Variants in HTR6 observed in about 807,000 individuals in gnomAD.
The protein encoded by HTR6 is 5-hydroxytryptamine receptor 6.
Under a neutral mutation model 17.4 loss-of-function variants are expected in HTR6, and 15 were observed. The ratio of observed to expected loss-of-function variants is 0.86; its 90% CI spans 0.58 to 1.33. The LOEUF is 1.33. Ranked by LOEUF, HTR6 falls within the 40% of genes most tolerant of loss-of-function variation. HTR6 has a pLI of 0.00. For synonymous variants in HTR6, 326 were observed against 295.5 expected (o/e 1.10, Z -1.06); for missense variants, 578 against 616.0 (o/e 0.94, Z 0.65).
chr1:19,672,461 G>C (rs557709585), intron 1 of HTR6, among the ~76,000 whole-genome samples: 1 of 152,102 alleles, frequency 6.6e-6, no homozygotes, highest in Non-Finnish European at 1.5e-5. Context: ...GGAGGAGGGG[G>C]CCGAGCCAGG....
At position 19,666,476 on chromosome 1, in the gene HTR6, G is replaced by C; in HGVS notation, c.714+9G>C. The C allele has an allele frequency of 1.9e-6, 3 of 1,589,378 alleles. No individual in the cohort carries two copies. Among genetic ancestry groups the C allele is most frequent in the Non-Finnish European group, 2.6e-6 (3 of 1,167,996 alleles). The stretch of plus-strand genomic sequence containing the variant: ...CCTCGGAGACGCTGCAGGTACCTGG[G>C]GTGCGCAGGGAGACCCGGGCTGTGG... On this transcript the variant is annotated intron_variant, in intron 1 of 2. Transcript: ENST00000289753. This position sits in a 1 kb window ranked among gnomAD's most constrained non-coding sequence, Gnocchi z 4.5.
intron 1 of HTR6, among the ~76,000 whole-genome samples, chr1:19,676,206 C>T (rs1364100303): frequency 6.6e-6 from 1 of 152,180 alleles, no homozygotes; most frequent in Non-Finnish European, 1.5e-5. Context: ...TCTGTGCATG[C>T]ATTTATTATC....
chr1:19,678,857 G>A (rs913605333), intron 2 of HTR6, 62 bp from the exon 3 acceptor site: 6 of 1,558,964 alleles, frequency 3.8e-6, no homozygotes, highest in African/African-American at 2.7e-5. Context: ...CTCCATACAT[G>A]CTGGGAAGGG....
At position 19,668,945 on chromosome 1, in the gene HTR6, G is replaced by A. The variant is rs552778538; in HGVS notation, c.714+2478G>A. 1.5e-4 allele frequency among the ~76,000 whole-genome samples: 23 copies of A among 152,308 alleles called. No individual in the cohort carries two copies. The South Asian group carries it at 1.9e-3, about 12-fold the overall frequency. On this transcript the variant is annotated intron_variant, in intron 1 of 2. Transcript: ENST00000289753. ...CTAGGGCCTGCTTTCTCTTTGTAGC[G>A]TGCTAGAAGGTATTACAAACATGGT...
chr1:19,678,876 G>A (rs774166413), intron 2 of HTR6, 43 bp from the exon 3 acceptor site: 2 of 1,563,346 alleles, frequency 1.3e-6, no homozygotes, highest in Non-Finnish European at 1.7e-6. Context: ...GGTGGCCTGG[G>A]TCCCTGCCCT....
intron 1 of HTR6, among the ~76,000 whole-genome samples, chr1:19,669,514 G>A (rs1427658738): frequency 2.6e-5 from 4 of 152,170 alleles, no homozygotes; most frequent in South Asian, 2.1e-4. Flanking sequence ...TGGTGCCATC[G>A]CCCTGTGCTG....
chr1:19,668,827 A>G (rs1257725410), intron 1 of HTR6, among the ~76,000 whole-genome samples: 3 of 152,248 alleles, frequency 2.0e-5, no homozygotes, highest in Admixed American at 6.5e-5. Context: ...CTTTGCCATA[A>G]ATAGAAGGTG....
chr1:19,672,918 G>C (rs1557428554), intron 1 of HTR6, among the ~76,000 whole-genome samples: 1 of 152,184 alleles, frequency 6.6e-6, no homozygotes, highest in Non-Finnish European at 1.5e-5. Flanking sequence ...TTTAGTTACA[G>C]CTATTCGAAG....
At position 19,665,631 on chromosome 1, in the gene HTR6, C is replaced by T. The variant is rs1553119465; in HGVS notation, c.-123C>T. 1.6e-5 allele frequency: 11 copies of T among 670,976 alleles called. No individual in the cohort carries two copies. Among genetic ancestry groups the T allele is most frequent in the Non-Finnish European group, 7.4e-6 (3 of 407,996 alleles). The allele number at this position is 670,976 out of a possible 1,614,324, so 41.6% of individuals were successfully genotyped here. A position where few individuals can be genotyped will look rare whatever the true frequency, so the allele number is the denominator to read the frequency against. Reference sequence around the variant, plus strand: ...CCCATGTCCCCCCACTCACCTCCCCCGGGGGGCGTGGTGAGTCGCGGTCTG... The same window carrying T: ...CCCATGTCCCCCCACTCACCTCCCCTGGGGGGCGTGGTGAGTCGCGGTCTG... On this transcript the variant is annotated 5_prime_UTR_variant, in exon 1 of 3. Transcript: ENST00000289753. The surrounding 1 kb of genome is among the most constrained non-coding windows in gnomAD (Gnocchi z 4.2).
intron 1 of HTR6, among the ~76,000 whole-genome samples, chr1:19,668,932 T>C (rs1301751758): frequency 6.6e-6 from 1 of 152,192 alleles, no homozygotes; most frequent in African/African-American, 2.4e-5. Context: ...AGGGCCTGCT[T>C]TCTCTTTGTA....
intron 1 of HTR6, among the ~76,000 whole-genome samples, chr1:19,670,997 A>T (rs1369498961): frequency 1.3e-5 from 2 of 152,084 alleles, no homozygotes; most frequent in African/African-American, 4.8e-5. Context: ...ATGTATTGAC[A>T]CCTGCTTTGC....
intron 1 of HTR6, among the ~76,000 whole-genome samples, chr1:19,671,986 G>A (rs2095088894): frequency 6.6e-6 from 1 of 152,064 alleles, no homozygotes; most frequent in Admixed American, 6.6e-5. Context: ...GAGTGTGTGT[G>A]TTGGGAGCAG....
intron 1 of HTR6, among the ~76,000 whole-genome samples, chr1:19,675,127 G>A (rs2095092735): frequency 6.6e-6 from 1 of 152,134 alleles, no homozygotes; most frequent in Non-Finnish European, 1.5e-5. Flanking sequence ...GAAGCAGCTT[G>A]GTGAAGTGGG....
At chr1:19,676,896 A>G (rs1250183359) in intron 1 of HTR6, among the ~76,000 whole-genome samples, 1 of 152,254 alleles carries the variant, frequency 6.6e-6, no homozygotes, top group Non-Finnish European at 1.5e-5. Flanking sequence ...GTCAAAGCCC[A>G]GATGTATTCA....
At chr1:19,667,859 C>T (rs902571221) in intron 1 of HTR6, among the ~76,000 whole-genome samples, 1 of 152,198 alleles carries the variant, frequency 6.6e-6, no homozygotes, top group Admixed American at 6.5e-5. Context: ...ACTTAGGTCG[C>T]AGGTCTTGAG....
intron 1 of HTR6, among the ~76,000 whole-genome samples, chr1:19,674,381 C>T (rs1043769563): frequency 1.3e-5 from 2 of 149,746 alleles, no homozygotes; most frequent in Non-Finnish European, 3.0e-5. Context: ...GGGAATTCAC[C>T]GTGGTTTATT....
At chr1:19,675,566 C>T (rs2095093203) in intron 1 of HTR6, among the ~76,000 whole-genome samples, 1 of 152,132 alleles carries the variant, frequency 6.6e-6, no homozygotes, top group South Asian at 2.1e-4. Context: ...CTCAGTTCAT[C>T]TTCACCCCAT....
At chr1:19,674,942 G>A (rs546547769) in intron 1 of HTR6, among the ~76,000 whole-genome samples, 49 of 152,366 alleles carry the variant, frequency 3.2e-4, no homozygotes, top group African/African-American at 1.1e-3. Context: ...CCAAGGGGCT[G>A]CGAGGTGCTT....
Position 19,665,000 on chromosome 1 carries a change from A to C in HTR6, c.-754A>C, listed in dbSNP as rs866736159. On this transcript the variant is annotated 5_prime_UTR_variant, in exon 1 of 3. Transcript: ENST00000289753. This position sits in a 1 kb window ranked among gnomAD's most constrained non-coding sequence, Gnocchi z 4.7. ...CTCGCAGCCCCGCGGCGCTTGCCGC[A>C]GTCGCAGGCGGCGGAGCAGCCAGAG... is the stretch of plus-strand genomic sequence containing the variant. Among the ~76,000 whole-genome samples the C allele has an allele frequency of 1.6e-3, 242 of 150,994 alleles. No individual in the cohort carries two copies. The highest frequency in any genetic ancestry group is 4.5e-3 in the African/African-American group (188 of 41,378).
Sources: allele counts gnomAD v4.1 joint callset (sites outside exome capture counted in the v4.1 genomes callset), GRCh38; gene constraint gnomAD v4.1.1; non-coding constraint Gnocchi (gnomAD v3.1); transcripts MANE v1.5; gene names NCBI Gene and HGNC (gene_info 2026-07-23, HGNC 2026-07-21).